The following EVC2 variants were observed in gnomAD, a reference collection of about 807,000 sequenced individuals.
EVC2 encodes EvC ciliary complex subunit 2.
In EVC2, 148 loss-of-function variants were observed where a neutral mutation model predicts 149.3. The ratio of observed to expected loss-of-function variants is 0.99; its 90% CI spans 0.87 to 1.14. EVC2 has a LOEUF of 1.14. Among genes scored for constraint, EVC2 ranks in the 50% most tolerant of loss-of-function variants. The probability of loss-of-function intolerance (pLI) is 0.00; values close to 1 mark genes in which losing one functional copy is unlikely to be tolerated. For synonymous variants in EVC2, 776 were observed against 649.9 expected (o/e 1.19, Z -2.95); for missense variants, 1,854 against 1,627.3 (o/e 1.14, Z -2.40).
chr4:5,588,640 TCTG>T (rs1231870250), intron 16 of EVC2, among the ~76,000 whole-genome samples: 21 of 152,150 alleles, frequency 1.4e-4, no homozygotes, highest in African/African-American at 4.1e-4. Flanking sequence ...CAATGTCTAA[TCTG>T]CTGTTAATTC....
chr4:5,618,826 A>C lies in EVC2; in HGVS notation c.2502-144T>G. On this transcript the variant is annotated intron_variant, in intron 14 of 21. Coordinates refer to ENST00000344408, the MANE Select transcript of EVC2 (RefSeq NM_147127.5). This position sits in a 1 kb window ranked among gnomAD's most constrained non-coding sequence, Gnocchi z 4.4. ...GGCTCCTTAATCATGCATTCCTGCCACAGGCATTCCTTGAGCACCTAATGC... is the reference window on the plus strand; with the variant it reads ...GGCTCCTTAATCATGCATTCCTGCCCCAGGCATTCCTTGAGCACCTAATGC... 1 of 785,572 alleles carries C rather than the reference A, an allele frequency of 1.3e-6. No individual in the cohort carries two copies. Among genetic ancestry groups the C allele is most frequent in the Non-Finnish European group, 2.2e-6 (1 of 463,596 alleles). The allele number at this position is 785,572 out of a possible 1,614,324, so 48.7% of individuals were successfully genotyped here.
At chr4:5,642,779 T>C (rs115162065) in intron 9 of EVC2, among the ~76,000 whole-genome samples, 4,304 of 152,292 alleles carry the variant, frequency 0.028, 202 homozygotes, top group African/African-American at 0.098. Context: ...TGGTGTATGA[T>C]TGTAAAAATA....
chr4:5,645,059 A>G (rs1717608534), intron 9 of EVC2, among the ~76,000 whole-genome samples: 1 of 152,256 alleles, frequency 6.6e-6, no homozygotes, highest in South Asian at 2.1e-4. Flanking sequence ...GAATGGCTGG[A>G]TCACATGTTG....
chr4:5,535,946 C>A, the EVC2 span, among the ~76,000 whole-genome samples: 10 of 152,110 alleles, frequency 6.6e-5, no homozygotes, highest in Admixed American at 2.6e-4. This position sits in a 1 kb window ranked among gnomAD's most constrained non-coding sequence, Gnocchi z 4.7. Context: ...CAGTGCCTGG[C>A]ACATAGCAGG....
At chr4:5,604,323 G>C (rs151158088) in intron 16 of EVC2, among the ~76,000 whole-genome samples, 6 of 152,290 alleles carry the variant, frequency 3.9e-5, no homozygotes, top group Non-Finnish European at 5.9e-5. Context: ...AAAGCAAAAA[G>C]CAGAAATAGA....
downstream of EVC2, among the ~76,000 whole-genome samples, chr4:5,542,241 C>T (rs985813149): frequency 6.6e-6 from 1 of 151,974 alleles, no homozygotes; most frequent in Non-Finnish European, 1.5e-5. Context: ...CACTTGAGCC[C>T]AAGAGTTTGA....
chr4:5,623,522 TAG>T (rs1715885888), intron 13 of EVC2, among the ~76,000 whole-genome samples: 1 of 152,076 alleles, frequency 6.6e-6, no homozygotes, highest in South Asian at 2.1e-4. Context: ...GTATTTTTTA[TAG>T]AGTTGGGGTT....
In EVC2 at chr4:5,628,736, T is replaced by C. The variant is rs529637648; in HGVS notation, c.1711-2A>G. 6.3e-7 allele frequency: 1 copy of C among 1,583,794 alleles called. No individual in the cohort carries two copies. The highest frequency in any genetic ancestry group is 8.5e-7 in the Non-Finnish European group (1 of 1,175,266). ...GTCCATTAACTCTTCTACATTCTCC[T>C]GTCAATTAAAAAAAAAAACAAGAAA... is the stretch of plus-strand genomic sequence containing the variant. On this transcript the variant is annotated splice_acceptor_variant, in intron 11 of 21. Coordinates refer to ENST00000344408, the MANE Select transcript of EVC2 (RefSeq NM_147127.5). LOFTEE classifies it high-confidence loss of function.
At position 5,570,751 on chromosome 4, in the gene EVC2, C is replaced by G. The variant is rs540521334; in HGVS notation, c.3361-2111G>C. ...AAAAATATGGAACCAACCAAAGTGC[C>G]CATCAACCAACAAGTGAATAAAGAA... On this transcript the variant is annotated intron_variant, in intron 19 of 21. Coordinates refer to ENST00000344408, the MANE Select transcript of EVC2 (RefSeq NM_147127.5). 5.3e-4 allele frequency among the ~76,000 whole-genome samples: 80 copies of G among 152,234 alleles called. 3 individuals are homozygous for G. Among genetic ancestry groups the G allele is most frequent in the African/African-American group, 1.9e-3 (79 of 41,542 alleles).
At chr4:5,556,972 A>G (rs990488988) in intron 21 of EVC2, among the ~76,000 whole-genome samples, 19 of 152,248 alleles carry the variant, frequency 1.2e-4, no homozygotes, top group African/African-American at 4.1e-4. Flanking sequence ...GACTCAGATC[A>G]TTTTACTGGT....
Position 5,618,416 on chromosome 4 carries a change from T to C in EVC2, c.2706+62A>G. ...AGGCTGGGGAAGAGGCCAGACCCTG[T>C]AGGGCCAGCAGCTGGGAGACGGCCC... On this transcript the variant is annotated intron_variant, in intron 15 of 21. Coordinates refer to ENST00000344408, the MANE Select transcript of EVC2 (RefSeq NM_147127.5). The surrounding 1 kb of genome is among the most constrained non-coding windows in gnomAD (Gnocchi z 4.4). 1 of 1,596,208 alleles carries C rather than the reference T, an allele frequency of 6.3e-7. No homozygotes were observed.
At chr4:5,542,865 A>G in exon 23 of EVC2, 2 of 307,832 alleles carry the variant, frequency 6.5e-6, no homozygotes, top group South Asian at 2.8e-5. Context: ...GGCTCATAGG[A>G]ACAACAGCAG....
chr4:5,659,773 C>G (rs1718762270), intron 9 of EVC2, among the ~76,000 whole-genome samples: 1 of 152,188 alleles, frequency 6.6e-6, no homozygotes, highest in Admixed American at 6.5e-5. Flanking sequence ...GACTCGGCTT[C>G]TTATGCCCCA....
intron 9 of EVC2, among the ~76,000 whole-genome samples, chr4:5,661,121 G>A (rs954555587): frequency 6.6e-6 from 1 of 152,142 alleles, no homozygotes; most frequent in East Asian, 1.9e-4. Context: ...GGTAGTGAGT[G>A]GGCAGAAAGC....
exon 22 of EVC2, chr4:5,543,082 C>T (rs1405926329): frequency 1.6e-6 from 2 of 1,223,808 alleles, no homozygotes; most frequent in South Asian, 2.5e-5. Flanking sequence ...TTGCACTGCT[C>T]AGTCCGAGGT....
chr4:5,585,000 C>T, intron 16 of EVC2, 150 bp from the exon 17 acceptor site: 1 of 844,620 alleles, frequency 1.2e-6, no homozygotes, highest in Non-Finnish European at 1.9e-6. Flanking sequence ...CTGCAGGGAG[C>T]AACATCAGAA....
chr4:5,648,209 G>A (rs1717865827), intron 9 of EVC2, among the ~76,000 whole-genome samples: 1 of 152,162 alleles, frequency 6.6e-6, no homozygotes, highest in Admixed American at 6.5e-5. Flanking sequence ...ATGTGCAATA[G>A]ATTATTGTAA....
rs772481704 is a variant in EVC2 at position 5,615,476 on chromosome 4, G to C, written c.2775C>G (p.Ile925Met). 9 of 1,614,046 alleles carry C rather than the reference G, an allele frequency of 5.6e-6. No homozygotes were observed. The highest frequency in any genetic ancestry group is 2.2e-5 in the East Asian group (1 of 44,888). ...KSKGELLKKCIEDKIHLCEEQ... is the reference protein window; with the variant it reads ...KSKGELLKKCMEDKIHLCEEQ... ...CCTCACAGAGGTGAATTTTGTCTTC[G>C]ATGCACTTCTTCAGAAGCTCTCCCT... Residue 925 changes from isoleucine to methionine, a missense_variant, in exon 16 of 22, where the codon ATC (isoleucine) becomes ATG (methionine). By Grantham distance (10) the Ile-to-Met change is conservative. Coordinates refer to ENST00000344408, the MANE Select transcript of EVC2 (RefSeq NM_147127.5).
At chr4:5,700,962 T>G (rs1721788044) in intron 1 of EVC2, among the ~76,000 whole-genome samples, 1 of 152,256 alleles carries the variant, frequency 6.6e-6, no homozygotes, top group Non-Finnish European at 1.5e-5. Context: ...TTAATACACA[T>G]TTATTCTCTG....
Sources: allele counts gnomAD v4.1 joint callset (sites outside exome capture counted in the v4.1 genomes callset), GRCh38; gene constraint gnomAD v4.1.1; non-coding constraint Gnocchi (gnomAD v3.1); transcripts MANE v1.5; gene names NCBI Gene and HGNC (gene_info 2026-07-23, HGNC 2026-07-21).